The following GADL1 variants were observed in gnomAD, a reference collection of about 807,000 sequenced individuals.
GADL1 encodes GAD like acidic amino acid decarboxylase 1.
In GADL1, 71 loss-of-function variants were observed where a neutral mutation model predicts 69.5. The observed-to-expected ratio is 1.02, with a 90% CI of 0.84 to 1.25. GADL1 has a LOEUF of 1.25. Ranked by LOEUF, GADL1 falls within the 50% of genes most tolerant of loss-of-function variation. The pLI is 0.00. For synonymous variants in GADL1, 254 were observed against 214.4 expected, an observed-to-expected ratio of 1.18 and a Z score of -1.62; for missense variants, 737 against 631.8, an observed-to-expected ratio of 1.17 and a Z score of -1.79.
chr3:30,730,401 A>G (rs1276961277), intron 14 of GADL1, among the ~76,000 whole-genome samples: 2 of 152,220 alleles, frequency 1.3e-5, no homozygotes, highest in Admixed American at 6.5e-5. Flanking sequence ...ACACTAGGCA[A>G]GAGAACTGTA....
intron 14 of GADL1, among the ~76,000 whole-genome samples, chr3:30,765,679 T>C (rs2125488529): frequency 6.6e-6 from 1 of 152,298 alleles, no homozygotes; most frequent in Non-Finnish European, 1.5e-5. Context: ...GCCCCACATT[T>C]TTATTTTGCA....
At chr3:30,744,465 C>G (rs565800621) in intron 14 of GADL1, among the ~76,000 whole-genome samples, 1 of 152,208 alleles carries the variant, frequency 6.6e-6, no homozygotes, top group South Asian at 2.1e-4. Flanking sequence ...AATCTCAGCA[C>G]TTTGGGAGGC....
intron 14 of GADL1, among the ~76,000 whole-genome samples, chr3:30,752,257 C>G (rs993399337): frequency 6.6e-6 from 1 of 152,152 alleles, no homozygotes; most frequent in African/African-American, 2.4e-5. Context: ...ATCCACAAAC[C>G]GAGCACTAGC....
At chr3:30,872,700 C>G (rs1225014271) in intron 1 of GADL1, among the ~76,000 whole-genome samples, 1 of 151,824 alleles carries the variant, frequency 6.6e-6, no homozygotes, top group Non-Finnish European at 1.5e-5. Flanking sequence ...TGGTTCCTGT[C>G]TTATTTAAGA....
intron 6 of GADL1, 45 bp downstream of exon 6, chr3:30,849,951 T>C (rs753681501): frequency 3.5e-6 from 4 of 1,157,470 alleles, no homozygotes; most frequent in African/African-American, 3.1e-5. Context: ...CTCTTAAATA[T>C]GCTTTCTCAG....
intron 14 of GADL1, among the ~76,000 whole-genome samples, chr3:30,752,791 G>A (rs2125478916): frequency 6.7e-6 from 1 of 149,710 alleles, no homozygotes; most frequent in African/African-American, 2.5e-5. Context: ...TTAATGGCAG[G>A]TTAAAACAAT....
chr3:30,859,627 C>T (rs551669969), intron 2 of GADL1, among the ~76,000 whole-genome samples: 1 of 152,072 alleles, frequency 6.6e-6, no homozygotes, highest in South Asian at 2.1e-4. Flanking sequence ...CATAGAACCA[C>T]ACCCCAAAGG....
chr3:30,861,799 T>G, intron 1 of GADL1, 34 bp from the exon 2 acceptor site: 1 of 1,445,500 alleles, frequency 6.9e-7, no homozygotes, highest in Non-Finnish European at 9.4e-7. Context: ...GTTTGAGAGA[T>G]AATCTAATTA....
rs567311606 is a variant in GADL1, at chr3:30,781,789, C to T, written c.1303-3521G>A. Among the ~76,000 whole-genome samples the T allele has an allele frequency of 5.9e-5, 9 of 152,206 alleles. No homozygotes were observed. In the South Asian group the frequency reaches 1.0e-3, roughly 18 times the overall value. ...AAAACGTGTTTTCAAAATTTAGTAC[C>T]GTGTCTGGCACACAGCAAGCACTGG... On this transcript the variant is annotated intron_variant, in intron 13 of 14. Transcript: ENST00000282538.
chr3:30,853,407 C>T (rs182383884), intron 4 of GADL1, among the ~76,000 whole-genome samples: 2 of 152,310 alleles, frequency 1.3e-5, no homozygotes, highest in Admixed American at 1.3e-4. Flanking sequence ...TAGGAAGTCT[C>T]ATCCACGTCC....
chr3:30,875,176 A>G (rs1698559891), intron 1 of GADL1, among the ~76,000 whole-genome samples: 1 of 151,548 alleles, frequency 6.6e-6, no homozygotes, highest in Admixed American at 6.6e-5. Context: ...TAGTGGTCAA[A>G]GCAAGTAGCA....
intron 14 of GADL1, among the ~76,000 whole-genome samples, chr3:30,737,397 T>A (rs1559483146): frequency 6.6e-6 from 1 of 152,186 alleles, no homozygotes; most frequent in Non-Finnish European, 1.5e-5. Context: ...GTTAGCCAAC[T>A]TTTTTGTTAA....
intron 1 of GADL1, among the ~76,000 whole-genome samples, chr3:30,876,998 AC>A (rs368677367): frequency 2.0e-5 from 3 of 151,898 alleles, no homozygotes; most frequent in African/African-American, 7.2e-5. Flanking sequence ...GAAAAATCTA[AC>A]AAATACCTAT....
chr3:30,749,829 C>T (rs763426707), intron 14 of GADL1, among the ~76,000 whole-genome samples: 1 of 152,024 alleles, frequency 6.6e-6, no homozygotes, highest in African/African-American at 2.4e-5. Flanking sequence ...ACTCAGGGAC[C>T]GGCAATAAAA....
At chr3:30,736,526 C>A (rs73056844) in intron 14 of GADL1, among the ~76,000 whole-genome samples, 1 of 152,008 alleles carries the variant, frequency 6.6e-6, no homozygotes, top group African/African-American at 2.4e-5. Flanking sequence ...TTTACACTCC[C>A]GCTTGGACTT....
Position 30,827,439 on chromosome 3 carries a change from G to A in GADL1, c.1050+6414C>T, listed in dbSNP as rs113758480. ...GTCAGCAATAGAAGCAATATACTGA[G>A]CTGTATGGGGCATGGATCTAAAGCA... On this transcript the variant is annotated intron_variant, in intron 11 of 14. Coordinates refer to ENST00000282538, the MANE Select transcript of GADL1 (RefSeq NM_207359.3). 7.2e-3 allele frequency among the ~76,000 whole-genome samples: 1,093 copies of A among 151,894 alleles called. 14 individuals carry two copies. The highest frequency in any genetic ancestry group is 0.025 in the African/African-American group (1,056 of 41,512).
At chr3:30,787,452 A>G (rs1696821378) in intron 12 of GADL1, among the ~76,000 whole-genome samples, 1 of 152,180 alleles carries the variant, frequency 6.6e-6, no homozygotes, top group Non-Finnish European at 1.5e-5. Context: ...TGGCCTTGAA[A>G]ACTAGTGATT....
chr3:30,852,225 A>G (rs1472854070), intron 4 of GADL1, among the ~76,000 whole-genome samples: 1 of 152,166 alleles, frequency 6.6e-6, no homozygotes, highest in Non-Finnish European at 1.5e-5. Context: ...TAAAAATAAG[A>G]TAGATTCAGC....
chr3:30,881,375 A>T (rs1283040190), intron 1 of GADL1, among the ~76,000 whole-genome samples: 1 of 151,926 alleles, frequency 6.6e-6, no homozygotes, highest in African/African-American at 2.4e-5. Flanking sequence ...TTCAGAGGCA[A>T]CCTAAATTAC....
Sources: gnomAD v4.1 joint callset for allele counts (sites outside exome capture counted in the v4.1 genomes callset) on GRCh38, gnomAD v4.1.1 for gene constraint, MANE v1.5 for transcripts, NCBI Gene and HGNC (gene_info 2026-07-23, HGNC 2026-07-21) for gene names.